Variants in FREM2 observed in about 807,000 individuals in gnomAD.
FREM2 encodes FRAS1-related extracellular matrix protein 2.
A neutral mutation model predicts 219.9 loss-of-function variants in FREM2; 119 were observed. That is an observed-to-expected ratio of 0.54 (90% CI 0.47 to 0.63). The LOEUF (loss-of-function observed/expected upper bound fraction) is 0.63, where lower values mean the gene tolerates loss of function less well. FREM2 is among the 30% of genes least tolerant of loss of function. The probability of loss-of-function intolerance (pLI) is 0.00; values close to 1 mark genes in which losing one functional copy is unlikely to be tolerated. For synonymous variants in FREM2, 1,562 were observed against 1,522.8 expected, an observed-to-expected ratio of 1.03 and a Z score of -0.60; for missense variants, 4,030 against 3,993.6, an observed-to-expected ratio of 1.01 and a Z score of -0.25.
intron 2 of FREM2, among the ~76,000 whole-genome samples, chr13:38,728,952 C>G (rs1490357178): frequency 6.6e-6 from 1 of 152,208 alleles, no homozygotes; most frequent in Non-Finnish European, 1.5e-5. Context: ...TCTCCTGCCT[C>G]AGCCTCCCAA....
At chr13:38,766,916 G>A (rs1445306722) in intron 3 of FREM2, among the ~76,000 whole-genome samples, 2 of 152,236 alleles carry the variant, frequency 1.3e-5, no homozygotes, top group East Asian at 1.9e-4. Flanking sequence ...GGCTGTGTTA[G>A]GTAGTGAACT....
At chr13:38,878,072 C>G in intron 21 of FREM2, 62 bp from the exon 22 acceptor site, 1 of 1,331,390 alleles carries the variant, frequency 7.5e-7, no homozygotes, top group South Asian at 1.2e-5. Flanking sequence ...AACCTGTTTA[C>G]AGTGTCACGT....
intron 2 of FREM2, 122 bp downstream of exon 2, chr13:38,697,909 T>C: frequency 1.4e-6 from 1 of 714,928 alleles, no homozygotes. Context: ...AAATTTAACC[T>C]GGTATTTGCT....
intron 2 of FREM2, among the ~76,000 whole-genome samples, chr13:38,754,653 G>A (rs759706903): frequency 6.6e-6 from 1 of 152,232 alleles, no homozygotes; most frequent in South Asian, 2.1e-4. Context: ...AAATCACCCT[G>A]ACCATGGCCC....
At chr13:38,741,045 G>T (rs1011387997) in intron 2 of FREM2, among the ~76,000 whole-genome samples, 2 of 152,154 alleles carry the variant, frequency 1.3e-5, no homozygotes. Context: ...TATACTCATT[G>T]ATTTTAAATC....
chr13:38,821,504 G>A (rs1876053340), intron 6 of FREM2, among the ~76,000 whole-genome samples: 1 of 152,028 alleles, frequency 6.6e-6, no homozygotes, highest in Non-Finnish European at 1.5e-5. Context: ...TTAAAATGAT[G>A]GATGAAGCTT....
At chr13:38,814,296 G>T (rs762111449) in intron 6 of FREM2, among the ~76,000 whole-genome samples, 7 of 152,132 alleles carry the variant, frequency 4.6e-5, no homozygotes, top group Non-Finnish European at 8.8e-5. Flanking sequence ...GGTATTTATT[G>T]TGGTTTTCAC....
At chr13:38,723,550 TG>T (rs1228439229) in intron 2 of FREM2, among the ~76,000 whole-genome samples, 4 of 152,102 alleles carry the variant, frequency 2.6e-5, no homozygotes, top group African/African-American at 9.7e-5. Flanking sequence ...ATCCTTGCTG[TG>T]GGGGGTGCAT....
intron 6 of FREM2, among the ~76,000 whole-genome samples, chr13:38,825,200 T>C (rs1490590302): frequency 6.6e-6 from 1 of 152,106 alleles, no homozygotes; most frequent in Non-Finnish European, 1.5e-5. Flanking sequence ...TTTTCGGTTT[T>C]AACTTCTAGA....
chr13:38,717,473 G>C (rs2138103216), intron 2 of FREM2, among the ~76,000 whole-genome samples: 1 of 136,582 alleles, frequency 7.3e-6, no homozygotes, highest in Admixed American at 8.3e-5. Flanking sequence ...CTGGAGTGCA[G>C]TGGCACAAAC....
Position 38,869,053 on chromosome 13 carries a change from T to C in FREM2, c.7984-3689T>C, listed in dbSNP as rs77997488. On this transcript the variant is annotated intron_variant, in intron 16 of 23. Coordinates refer to ENST00000280481, the MANE Select transcript of FREM2 (RefSeq NM_207361.6). ...GACATTACTTGCCCTCCTCTAGTCC[T>C]TTCCCAAATTTGGCATCTCAGCTCA... Among the ~76,000 whole-genome samples the C allele has an allele frequency of 6.3e-3, 955 of 152,310 alleles. 11 individuals carry two copies. The highest frequency in any genetic ancestry group is 0.022 in the African/African-American group (911 of 41,564).
At chr13:38,769,946 T>TAATCTA (rs1388743523) in intron 4 of FREM2, 138 bp downstream of exon 4, 41 of 723,616 alleles carry the variant, frequency 5.7e-5, no homozygotes, top group Non-Finnish European at 8.4e-5. Context: ...AATGATTCAT[T>TAATCTA]ATTCTCAGAT....
chr13:38,818,566 A>G (rs547320012), intron 6 of FREM2, among the ~76,000 whole-genome samples: 1 of 152,234 alleles, frequency 6.6e-6, no homozygotes, highest in East Asian at 1.9e-4. Context: ...TAGATGGAGA[A>G]AGGTTGATTA....
chr13:38,781,283 G>A (rs765028136), intron 4 of FREM2, among the ~76,000 whole-genome samples: 1 of 151,964 alleles, frequency 6.6e-6, no homozygotes, highest in African/African-American at 2.4e-5. Flanking sequence ...GTTCATATGG[G>A]ACATTTTATT....
At chr13:38,865,534 T>G (rs538571823) in intron 16 of FREM2, among the ~76,000 whole-genome samples, 22 of 152,332 alleles carry the variant, frequency 1.4e-4, no homozygotes, top group Admixed American at 1.2e-3. Flanking sequence ...TGCCCTTTTT[T>G]GTGCTATATT....
At chr13:38,816,534 G>A (rs1279658486) in intron 6 of FREM2, among the ~76,000 whole-genome samples, 1 of 152,110 alleles carries the variant, frequency 6.6e-6, no homozygotes, top group African/African-American at 2.4e-5. Context: ...TTACTATCAT[G>A]ATTAAAACGC....
chr13:38,769,587 C>T lies in FREM2; in HGVS notation c.5420C>T (p.Thr1807Ile). 1 of 1,613,332 alleles carries T rather than the reference C, an allele frequency of 6.2e-7. No homozygotes were observed. Reference sequence around the variant, plus strand: ...TTATGTTTTTGTGAAGGTATTGGCACAAGAGACAGAACTGCAGAAAAAGAC... The same window carrying T: ...TTATGTTTTTGTGAAGGTATTGGCATAAGAGACAGAACTGCAGAAAAAGAC... ...LGETSFISIG[T>I]RDRTAEKDKD... The change falls in exon 4 of 24, where the codon ACA becomes ATA. Residue 1807 changes from threonine to isoleucine, a missense_variant. By Grantham distance (89) the Thr-to-Ile change is moderately conservative. Around this residue, in one of 2 missense-constraint regions of FREM2, gnomAD observed 3,102 missense variants for 2,950.7 expected, o/e 1.05. Coordinates refer to ENST00000280481, the MANE Select transcript of FREM2 (RefSeq NM_207361.6).
In FREM2 at chr13:38,738,953, C is replaced by T. The variant is rs139662256; in HGVS notation, c.5264-25351C>T. ...CTAGAAATACTAGCTGTATTGCACT[C>T]GGCAAGGTAACTAACTTTCCTAATG... is the stretch of plus-strand genomic sequence containing the variant. On this transcript the variant is annotated intron_variant, in intron 2 of 23. Coordinates refer to ENST00000280481, the MANE Select transcript of FREM2 (RefSeq NM_207361.6). Among the ~76,000 whole-genome samples the T allele has an allele frequency of 3.9e-5, 6 of 152,276 alleles. No individual in the cohort carries two copies. The East Asian group carries it at 5.8e-4, about 15-fold the overall frequency.
rs779716088 is a variant in FREM2, at chr13:38,689,104, C to G, written c.1760C>G (p.Thr587Ser). ...ATCCTGCCCCTTTCCCTGAGTGCAA[C>G]TGACATGGATTCAGATGATTCTCTG... ...VPILPLSLSA[T>S]DMDSDDSLLL... The change falls in exon 1 of 24, where the codon ACT becomes AGT. Residue 587 changes from threonine to serine, a missense_variant. Around this residue, in one of 2 missense-constraint regions of FREM2, gnomAD observed 3,102 missense variants for 2,950.7 expected, o/e 1.05. Coordinates refer to ENST00000280481, the MANE Select transcript of FREM2 (RefSeq NM_207361.6). 1 of 1,613,980 alleles carries G rather than the reference C, an allele frequency of 6.2e-7. No individual in the cohort carries two copies. Among genetic ancestry groups the G allele is most frequent in the East Asian group, 2.2e-5 (1 of 44,876 alleles).
Sources: allele counts gnomAD v4.1 joint callset (sites outside exome capture counted in the v4.1 genomes callset), GRCh38; gene constraint gnomAD v4.1.1; regional missense constraint gnomAD v4.1.1; transcripts MANE v1.5; gene names NCBI Gene and HGNC (gene_info 2026-07-23, HGNC 2026-07-21).